Variants in KCNB2 observed in about 807,000 individuals in gnomAD.
KCNB2 encodes the protein potassium voltage-gated channel subfamily B member 2.
In KCNB2, 15 loss-of-function variants were observed where a neutral mutation model predicts 61.5. The ratio of observed to expected loss-of-function variants is 0.24; its 90% CI spans 0.16 to 0.38. KCNB2 has a LOEUF of 0.38. Among genes scored for constraint, KCNB2 ranks in the 10% least tolerant of loss-of-function variants. KCNB2 has a pLI of 1.00. For missense variants in KCNB2, 828 were observed against 1,125.2 expected, an observed-to-expected ratio of 0.74 and a Z score of 3.78; for synonymous variants, 457 against 446.0, an observed-to-expected ratio of 1.02 and a Z score of -0.31.
At chr8:72,594,074 C>T (rs1232268357) in intron 2 of KCNB2, among the ~76,000 whole-genome samples, 2 of 152,076 alleles carry the variant, frequency 1.3e-5, no homozygotes, top group African/African-American at 4.8e-5. Flanking sequence ...GCCTCCATCT[C>T]AAGGAATTTA....
At chr8:72,613,539 A>G (rs777718061) in intron 2 of KCNB2, among the ~76,000 whole-genome samples, 14 of 152,240 alleles carry the variant, frequency 9.2e-5, no homozygotes, top group Non-Finnish European at 1.9e-4. Flanking sequence ...TCCCTGTTAT[A>G]TCAAATTAAT....
chr8:72,611,862 C>A (rs1033867603), intron 2 of KCNB2, among the ~76,000 whole-genome samples: 1 of 151,954 alleles, frequency 6.6e-6, no homozygotes, highest in Non-Finnish European at 1.5e-5. Flanking sequence ...TTTCTGGATC[C>A]TCACTTTCTT....
At chr8:72,593,288 T>G (rs1162061552) in intron 2 of KCNB2, among the ~76,000 whole-genome samples, 1 of 152,228 alleles carries the variant, frequency 6.6e-6, no homozygotes, top group Non-Finnish European at 1.5e-5. Context: ...TATAAAAGAC[T>G]TATTCAAAGA....
intron 2 of KCNB2, among the ~76,000 whole-genome samples, chr8:72,797,033 T>A (rs1809042286): frequency 6.6e-6 from 1 of 152,150 alleles, no homozygotes; most frequent in Non-Finnish European, 1.5e-5. Context: ...ATAATTCTAT[T>A]TATTTGAGCA....
intron 2 of KCNB2, among the ~76,000 whole-genome samples, chr8:72,651,791 A>G (rs1440341): frequency 0.82 from 124,242 of 151,992 alleles, 51,029 homozygotes; most frequent in East Asian, 0.96. Context: ...AATAACATTG[A>G]AACTGAGCAT....
At chr8:72,843,954 T>C (rs1031915131) in intron 2 of KCNB2, among the ~76,000 whole-genome samples, 2 of 152,202 alleles carry the variant, frequency 1.3e-5, no homozygotes, top group Non-Finnish European at 2.9e-5. Context: ...TTAATACTGT[T>C]ATGTGTGAAT....
chr8:72,711,105 C>T (rs530763852), intron 2 of KCNB2, among the ~76,000 whole-genome samples: 2 of 152,194 alleles, frequency 1.3e-5, no homozygotes, highest in African/African-American at 2.4e-5. Flanking sequence ...ACTGATGGAG[C>T]GCCAGTATCT....
In KCNB2 at chr8:72,907,335, G is replaced by A. The variant is rs868349474; in HGVS notation, c.580-28600G>A. On this transcript the variant is annotated intron_variant, in intron 2 of 2. Coordinates refer to ENST00000523207, the MANE Select transcript of KCNB2 (RefSeq NM_004770.3). ...TCATGCCACTGCACTCCAGCCTAGG[G>A]ACAGAGCAAGACTCCATCTCAAAAA... Among the ~76,000 whole-genome samples, 9 of 152,016 alleles carry A rather than the reference G, an allele frequency of 5.9e-5. No individual in the cohort carries two copies. In the South Asian group the frequency reaches 6.2e-4, roughly 11 times the overall value.
intron 1 of KCNB2, among the ~76,000 whole-genome samples, chr8:72,557,154 C>A (rs943318994): frequency 6.6e-6 from 1 of 152,116 alleles, no homozygotes; most frequent in African/African-American, 2.4e-5. Flanking sequence ...GCATTCAGAC[C>A]ATAGTACATG....
At chr8:72,755,626 T>C (rs987350539) in intron 2 of KCNB2, among the ~76,000 whole-genome samples, 2 of 152,130 alleles carry the variant, frequency 1.3e-5, no homozygotes, top group South Asian at 2.1e-4. Flanking sequence ...ATTAGGGAAA[T>C]GCAAGTTAAA....
chr8:72,670,967 A>G (rs1368796589), intron 2 of KCNB2, among the ~76,000 whole-genome samples: 1 of 152,160 alleles, frequency 6.6e-6, no homozygotes, highest in Non-Finnish European at 1.5e-5. Context: ...CTTTAAATTC[A>G]TCTGTTATTA....
chr8:72,761,635 G>A (rs1006406030), intron 2 of KCNB2, among the ~76,000 whole-genome samples: 6 of 152,198 alleles, frequency 3.9e-5, no homozygotes, highest in Admixed American at 3.3e-4. Flanking sequence ...ATTGGAATAT[G>A]AGGTGGCTTT....
chr8:72,918,818 A>G (rs1029315298), intron 2 of KCNB2, among the ~76,000 whole-genome samples: 3 of 152,106 alleles, frequency 2.0e-5, no homozygotes, highest in East Asian at 1.9e-4. Context: ...TTTATGTGCT[A>G]TTGTAATATA....
At chr8:72,687,329 T>C (rs145978492) in intron 2 of KCNB2, among the ~76,000 whole-genome samples, 2 of 152,336 alleles carry the variant, frequency 1.3e-5, no homozygotes, top group East Asian at 3.9e-4. Context: ...CAATGGAAAT[T>C]TTAGACAGCC....
intron 2 of KCNB2, among the ~76,000 whole-genome samples, chr8:72,818,813 A>G (rs1401118298): frequency 6.6e-6 from 1 of 152,004 alleles, no homozygotes; most frequent in Non-Finnish European, 1.5e-5. Flanking sequence ...CTCATTTCTC[A>G]TATTTAATTA....
chr8:72,846,063 G>A (rs1298559053), intron 2 of KCNB2, among the ~76,000 whole-genome samples: 2 of 152,116 alleles, frequency 1.3e-5, no homozygotes, highest in Non-Finnish European at 2.9e-5. Context: ...TGAAACCCAG[G>A]ACCTTGGTGG....
intron 2 of KCNB2, among the ~76,000 whole-genome samples, chr8:72,823,934 G>C (rs922793465): frequency 2.6e-5 from 4 of 152,154 alleles, no homozygotes; most frequent in Admixed American, 1.3e-4. Context: ...AGGACCCTGG[G>C]AGCCCCATCT....
At chr8:72,849,701 G>A (rs942124908) in intron 2 of KCNB2, among the ~76,000 whole-genome samples, 6 of 152,160 alleles carry the variant, frequency 3.9e-5, no homozygotes, top group Admixed American at 3.3e-4. Flanking sequence ...AGAAGAGCTA[G>A]CCAAAGATAT....
At chr8:72,688,981 A>G (rs932573644) in intron 2 of KCNB2, among the ~76,000 whole-genome samples, 2 of 152,174 alleles carry the variant, frequency 1.3e-5, no homozygotes, top group African/African-American at 4.8e-5. Context: ...TGTCTGTGTC[A>G]GTCTCCCAAA....
Sources: allele counts gnomAD v4.1 joint callset (sites outside exome capture counted in the v4.1 genomes callset), GRCh38; gene constraint gnomAD v4.1.1; transcripts MANE v1.5; gene names NCBI Gene and HGNC (gene_info 2026-07-23, HGNC 2026-07-21).